SPAG16: variants seen among roughly 807,000 people sequenced by gnomAD.
The protein encoded by SPAG16 is sperm-associated antigen 16 protein.
A neutral mutation model predicts 80.4 loss-of-function variants in SPAG16; 86 were observed. The observed-to-expected ratio is 1.07, with a 90% CI of 0.90 to 1.28. The LOEUF is 1.28. Among genes scored for constraint, SPAG16 ranks in the 50% most tolerant of loss-of-function variants. The pLI, the probability that SPAG16 is intolerant of heterozygous loss-of-function variation, is 0.00. For synonymous variants in SPAG16, 294 were observed against 265.9 expected, an observed-to-expected ratio of 1.11 and a Z score of -1.03; for missense variants, 870 against 765.3, an observed-to-expected ratio of 1.14 and a Z score of -1.61.
At chr2:214,116,371 A>G (rs879328977) in intron 14 of SPAG16, among the ~76,000 whole-genome samples, 4 of 152,164 alleles carry the variant, frequency 2.6e-5, no homozygotes, top group Non-Finnish European at 4.4e-5. Flanking sequence ...AGCCTCCATA[A>G]TGAGTTCACT....
At chr2:213,719,060 C>G (rs1271887988) in intron 10 of SPAG16, among the ~76,000 whole-genome samples, 1 of 152,080 alleles carries the variant, frequency 6.6e-6, no homozygotes, top group Non-Finnish European at 1.5e-5. Flanking sequence ...CCAGGCGACA[C>G]TCGGTATCTA....
At chr2:214,092,794 A>G (rs1229128801) in intron 13 of SPAG16, among the ~76,000 whole-genome samples, 4 of 151,982 alleles carry the variant, frequency 2.6e-5, no homozygotes, top group African/African-American at 9.7e-5. Context: ...AGCTCTGGCC[A>G]CAGTGGGAGC....
intron 5 of SPAG16, among the ~76,000 whole-genome samples, chr2:213,334,732 A>G (rs906882423): frequency 6.6e-6 from 1 of 152,210 alleles, no homozygotes; most frequent in African/African-American, 2.4e-5. Flanking sequence ...GTTCTCATTT[A>G]TCTGTGGAAT....
At chr2:214,256,221 G>A (rs1353463249) in intron 15 of SPAG16, among the ~76,000 whole-genome samples, 1 of 151,734 alleles carries the variant, frequency 6.6e-6, no homozygotes, top group Non-Finnish European at 1.5e-5. Flanking sequence ...ACCTTTTCAT[G>A]CACGTATTGG....
chr2:214,126,790 A>G (rs1576292857), intron 14 of SPAG16, among the ~76,000 whole-genome samples: 1 of 151,808 alleles, frequency 6.6e-6, no homozygotes. Flanking sequence ...GCAAAAGTAC[A>G]TTGTTGTTAA....
chr2:214,370,614 A>G (rs1699753394), intron 15 of SPAG16, among the ~76,000 whole-genome samples: 1 of 152,138 alleles, frequency 6.6e-6, no homozygotes, highest in South Asian at 2.1e-4. Flanking sequence ...TCTCTTGGCA[A>G]ATTTCAAGTA....
intron 10 of SPAG16, among the ~76,000 whole-genome samples, chr2:213,841,301 C>T (rs145214783): frequency 7.9e-5 from 12 of 152,176 alleles, no homozygotes; most frequent in African/African-American, 2.6e-4. Context: ...GGTACAAAAC[C>T]AGTGGGGCAT....
chr2:214,314,532 C>A (rs971972531), intron 15 of SPAG16, among the ~76,000 whole-genome samples: 1 of 152,064 alleles, frequency 6.6e-6, no homozygotes, highest in Non-Finnish European at 1.5e-5. Flanking sequence ...TGAATCCCAC[C>A]CTTATCACTC....
intron 11 of SPAG16, 51 bp downstream of exon 11, chr2:213,862,679 C>T (rs762620075): frequency 3.2e-6 from 5 of 1,586,462 alleles, no homozygotes; most frequent in East Asian, 2.3e-5. Context: ...GGAATGTGCT[C>T]CTTTACTCTG....
At chr2:214,050,384 A>G (rs1165222074) in intron 13 of SPAG16, among the ~76,000 whole-genome samples, 1 of 152,008 alleles carries the variant, frequency 6.6e-6, no homozygotes, top group African/African-American at 2.4e-5. Flanking sequence ...TTCTCTGAAC[A>G]CACTTTGAGA....
chr2:213,929,812 A>G (rs2078668121), intron 11 of SPAG16, 148 bp from the exon 12 acceptor site: 5 of 640,130 alleles, frequency 7.8e-6, no homozygotes, highest in Non-Finnish European at 7.7e-6. Flanking sequence ...CCCAAATAAG[A>G]TAATAATATT....
At chr2:213,345,922 T>A (rs1429069678) in intron 6 of SPAG16, among the ~76,000 whole-genome samples, 1 of 152,176 alleles carries the variant, frequency 6.6e-6, no homozygotes, top group African/African-American at 2.4e-5. Flanking sequence ...GTGAAGAAAG[T>A]CATGGGTAGC....
intron 15 of SPAG16, among the ~76,000 whole-genome samples, chr2:214,401,936 G>C (rs1701731743): frequency 6.6e-6 from 1 of 151,814 alleles, no homozygotes; most frequent in Non-Finnish European, 1.5e-5. Flanking sequence ...TTAAAGTTTT[G>C]ATAGATATAA....
intron 15 of SPAG16, among the ~76,000 whole-genome samples, chr2:214,180,221 A>T (rs569725571): frequency 6.6e-6 from 1 of 151,720 alleles, no homozygotes; most frequent in South Asian, 2.1e-4. Context: ...GCTTGAGTTT[A>T]TATGTTTTAT....
chr2:213,714,818 C>T (rs1252465778), intron 10 of SPAG16, among the ~76,000 whole-genome samples: 2 of 152,070 alleles, frequency 1.3e-5, no homozygotes, highest in Admixed American at 1.3e-4. Flanking sequence ...AGTACATGAT[C>T]CTAATCACTA....
At chr2:213,464,543 A>G (rs1192191131) in intron 9 of SPAG16, among the ~76,000 whole-genome samples, 1 of 152,176 alleles carries the variant, frequency 6.6e-6, no homozygotes, top group Non-Finnish European at 1.5e-5. Flanking sequence ...GTCAGACATG[A>G]AAATGCTTCT....
intron 14 of SPAG16, among the ~76,000 whole-genome samples, chr2:214,147,700 T>A (rs933255013): frequency 6.6e-6 from 1 of 152,222 alleles, no homozygotes. Context: ...GCATTCCAAG[T>A]TCTCCATGTT....
chr2:213,771,159 G>T (rs755271371), intron 10 of SPAG16, among the ~76,000 whole-genome samples: 4 of 152,140 alleles, frequency 2.6e-5, no homozygotes, highest in Non-Finnish European at 5.9e-5. Flanking sequence ...CATTCTGACT[G>T]ACATGAAATG....
intron 10 of SPAG16, among the ~76,000 whole-genome samples, chr2:213,625,565 T>C (rs1333126011): frequency 1.3e-5 from 2 of 152,224 alleles, no homozygotes; most frequent in African/African-American, 4.8e-5. Flanking sequence ...CAATCTTCTA[T>C]TTTATACTTA....
Sources: allele counts gnomAD v4.1 joint callset (sites outside exome capture counted in the v4.1 genomes callset), GRCh38; gene constraint gnomAD v4.1.1; transcripts MANE v1.5; gene names NCBI Gene and HGNC (gene_info 2026-07-23, HGNC 2026-07-21).